The following COQ8A variants were observed in gnomAD, a reference collection of about 807,000 sequenced individuals.
COQ8A encodes the protein coenzyme Q8A, also known as atypical kinase COQ8A, mitochondrial.
A neutral mutation model predicts 65.0 loss-of-function variants in COQ8A; 51 were observed. The ratio of observed to expected loss-of-function variants is 0.78; its 90% CI spans 0.63 to 0.99. COQ8A has a LOEUF of 0.99. COQ8A is among the 50% of genes least tolerant of loss of function. The pLI is 0.00. For synonymous variants in COQ8A, 371 were observed against 353.2 expected (o/e 1.05, Z -0.57); for missense variants, 940 against 875.0 (o/e 1.07, Z -0.94).
At chr1:226,954,806 G>A (rs1657589577) in intron 1 of COQ8A, among the ~76,000 whole-genome samples, 1 of 152,212 alleles carries the variant, frequency 6.6e-6, no homozygotes, top group African/African-American at 2.4e-5. Context: ...TATGGCTGAT[G>A]GTCCTTGTAG....
chr1:226,976,030 C>T (rs1249008988), intron 4 of COQ8A, among the ~76,000 whole-genome samples: 1 of 147,820 alleles, frequency 6.8e-6, no homozygotes, highest in Non-Finnish European at 1.5e-5. Context: ...CCCCAACAGC[C>T]CCCTGCTGCG....
intron 1 of COQ8A, among the ~76,000 whole-genome samples, chr1:226,953,794 G>A (rs887333163): frequency 6.6e-6 from 1 of 152,182 alleles, no homozygotes; most frequent in Admixed American, 6.5e-5. Flanking sequence ...GGAGTTGCCC[G>A]AGATGTTTGA....
chr1:226,975,380 C>T (rs921458135), intron 4 of COQ8A, among the ~76,000 whole-genome samples: 5 of 152,132 alleles, frequency 3.3e-5, no homozygotes, highest in Non-Finnish European at 7.4e-5. Flanking sequence ...GCCAGCCGCA[C>T]GGGGCCTTGG....
chr1:226,968,659 A>T (rs1263326910), intron 4 of COQ8A, among the ~76,000 whole-genome samples: 1 of 152,170 alleles, frequency 6.6e-6, no homozygotes, highest in African/African-American at 2.4e-5. Context: ...GGATTGCTCT[A>T]GGTCTCAGGG....
At chr1:226,970,207 C>T (rs1208182964) in intron 4 of COQ8A, among the ~76,000 whole-genome samples, 1 of 152,220 alleles carries the variant, frequency 6.6e-6, no homozygotes, top group African/African-American at 2.4e-5. Context: ...CCTGCCTCAA[C>T]CTTCCAAAGT....
rs1656763251 is a variant in COQ8A, at chr1:226,942,429, G to A, written c.-10+2030G>A. On this transcript the variant is annotated intron_variant, in intron 1 of 14. Transcript: ENST00000366777. ...AGTGACTGGCTGGGTTGGGGGTGCT[G>A]GAGAATTAGAAGACTGGTAGCTTCT... Among the ~76,000 whole-genome samples, 5 of 152,138 alleles carry A rather than the reference G, an allele frequency of 3.3e-5. No homozygotes were observed. The South Asian group carries it at 1.0e-3, about 32-fold the overall frequency.
chr1:226,973,074 G>C (rs983644769), intron 4 of COQ8A, among the ~76,000 whole-genome samples: 8 of 152,204 alleles, frequency 5.3e-5, no homozygotes, highest in Non-Finnish European at 1.0e-4. Context: ...GCCCTAACCT[G>C]CTGGCATGAT....
In COQ8A at chr1:226,984,607, A is replaced by G. The variant is rs1035917438; in HGVS notation, c.1458A>G (p.Gln486=). The G allele has an allele frequency of 2.5e-6, 4 of 1,614,134 alleles. No individual in the cohort carries two copies. Among genetic ancestry groups the G allele is most frequent in the Non-Finnish European group, 3.4e-6 (4 of 1,179,998 alleles). ...AGCTGTTCGAGTTCCACTTCATGCA[A>G]ACAGACCCCAACTGGTCCAACTTCT... ...LRELFEFHFM[Q]TDPNWSNFFY... is the part of the protein sequence containing the mutation. Residue 486 remains glutamine (Q), a synonymous_variant, in exon 12 of 15, where the codon CAA becomes CAG. Coordinates refer to ENST00000366777, the MANE Select transcript of COQ8A (RefSeq NM_020247.5).
chr1:226,977,627 C>G, intron 5 of COQ8A, 104 bp downstream of exon 5: 2 of 1,299,494 alleles, frequency 1.5e-6, no homozygotes, highest in South Asian at 1.3e-5. Context: ...CCAGCTGGGC[C>G]GCATTTGCAT....
At chr1:226,962,351 A>G (rs1296376060) in intron 2 of COQ8A, among the ~76,000 whole-genome samples, 1 of 152,066 alleles carries the variant, frequency 6.6e-6, no homozygotes, top group East Asian at 1.9e-4. Flanking sequence ...TTGATGTCTT[A>G]CCTCCAAGGG....
intron 4 of COQ8A, among the ~76,000 whole-genome samples, chr1:226,970,013 C>A (rs1158805032): frequency 6.6e-6 from 1 of 152,166 alleles, no homozygotes; most frequent in Non-Finnish European, 1.5e-5. Context: ...GTCACCCAGG[C>A]TGGAGTGCAG....
rs750877041 is a variant in COQ8A, at chr1:226,965,294, T to C, written c.472T>C (p.Phe158Leu). The C allele has an allele frequency of 6.2e-7, 1 of 1,613,930 alleles. No homozygotes were observed. Among genetic ancestry groups the C allele is most frequent in the African/African-American group, 1.3e-5 (1 of 75,068 alleles). The change falls in exon 3 of 15, where the codon TTT becomes CTT. Residue 158 changes from phenylalanine to leucine, a missense_variant. Physicochemically the swap from Phe to Leu is conservative, Grantham distance 22 (BLOSUM62 0). Coordinates refer to ENST00000366777, the MANE Select transcript of COQ8A (RefSeq NM_020247.5). ...NPRDSFSAMG[F>L]QRRFFHQDQS... ...CAGAGACTCATTCTCTGCCATGGGC[T>C]TTCAGCGAAGGTTCTTCCACCAGGA... is the stretch of plus-strand genomic sequence containing the variant.
intron 1 of COQ8A, among the ~76,000 whole-genome samples, chr1:226,950,633 C>T (rs1243106468): frequency 6.6e-6 from 1 of 152,232 alleles, no homozygotes; most frequent in Non-Finnish European, 1.5e-5. Context: ...CTGGCATATA[C>T]TAAACCCAGC....
chr1:226,969,403 A>T (rs1658751855), intron 4 of COQ8A, among the ~76,000 whole-genome samples: 2 of 151,926 alleles, frequency 1.3e-5, no homozygotes, highest in Non-Finnish European at 2.9e-5. Context: ...GGTTCAAGTG[A>T]TTCTCCTGCC....
chr1:226,985,184 T>C (rs372737445), intron 13 of COQ8A, 70 bp from the exon 14 acceptor site: 1 of 1,551,304 alleles, frequency 6.4e-7, no homozygotes, highest in South Asian at 1.1e-5. Flanking sequence ...GGTGTGGCAC[T>C]TGGCTCCCTG....
In COQ8A at chr1:226,977,529, C is replaced by A; in HGVS notation, c.730+6C>A. 6.4e-7 allele frequency: 1 copy of A among 1,555,012 alleles called. No homozygotes were observed. Among genetic ancestry groups the A allele is most frequent in the Non-Finnish European group, 8.7e-7 (1 of 1,148,994 alleles). ...GCGCTCCGAGGACCCCTCAGGTGAG[C>A]CGGGCCCTTCAGTGGGAGGGGCAGG... On this transcript the variant is annotated splice_donor_region_variant and intron_variant, in intron 5 of 14. Transcript: ENST00000366777.
intron 8 of COQ8A, 157 bp downstream of exon 8, chr1:226,983,191 C>T (rs991688364): frequency 1.4e-4 from 158 of 1,168,704 alleles, no homozygotes; most frequent in Non-Finnish European, 2.6e-5. Context: ...GCCTGGACGG[C>T]ACCAGAAGCT....
Position 226,984,178 on chromosome 1 carries a change from G to C in COQ8A, c.1341G>C (p.Leu447=), listed in dbSNP as rs780972871. ...GCCCACATGTGCTGACCACAGAGCTGGTGTCTGGCTTCCCCCTGGACCAGG... is the reference window on the plus strand; with the variant it reads ...GCCCACATGTGCTGACCACAGAGCTCGTGTCTGGCTTCCCCCTGGACCAGG... ...LCSPHVLTTE[L]VSGFPLDQAE... The change falls in exon 11 of 15, where the codon CTG becomes CTC. Residue 447 remains leucine (L), a synonymous_variant. Coordinates refer to ENST00000366777, the MANE Select transcript of COQ8A (RefSeq NM_020247.5). The C allele has an allele frequency of 6.2e-7, 1 of 1,613,864 alleles. No individual in the cohort carries two copies. Among genetic ancestry groups the C allele is most frequent in the Non-Finnish European group, 8.5e-7 (1 of 1,179,988 alleles).
Position 226,983,842 on chromosome 1 carries a change from C to T in COQ8A, c.1244C>T (p.Ala415Val), listed in dbSNP as rs1659876215. 6.2e-7 allele frequency: 1 copy of T among 1,610,498 alleles called. No homozygotes were observed. The highest frequency in any genetic ancestry group is 8.5e-7 in the Non-Finnish European group (1 of 1,179,820). ...ECDYQREAAC[A>V]RKFRDLLKGH... ...GACTACCAGCGAGAGGCCGCCTGTG[C>T]CCGCAAGTTCAGGTGTGGCCCCCGG... Residue 415 changes from alanine to valine, a missense_variant, in exon 10 of 15, where the codon GCC becomes GTC. Physicochemically the swap from Ala to Val is moderately conservative, Grantham distance 64. Coordinates refer to ENST00000366777, the MANE Select transcript of COQ8A (RefSeq NM_020247.5).
Sources: gnomAD v4.1 joint callset for allele counts (sites outside exome capture counted in the v4.1 genomes callset) on GRCh38, gnomAD v4.1.1 for gene constraint, MANE v1.5 for transcripts, NCBI Gene and HGNC (gene_info 2026-07-23, HGNC 2026-07-21) for gene names.